BCL9: variants seen among roughly 807,000 people sequenced by gnomAD.
The protein encoded by BCL9 is B-cell CLL/lymphoma 9 protein.
BCL9 carries 25 observed loss-of-function variants against 88.5 expected under a neutral mutation model. The observed-to-expected ratio is 0.28, with a 90% CI of 0.21 to 0.39. The LOEUF is 0.39. BCL9 is among the 10% of genes least tolerant of loss of function. The pLI is 1.00. For missense variants in BCL9, 1,817 were observed against 1,877.8 expected, an observed-to-expected ratio of 0.97 and a Z score of 0.60; for synonymous variants, 711 against 673.3, an observed-to-expected ratio of 1.06 and a Z score of -0.87.
chr1:147,624,520 C>T lies in BCL9; in HGVS notation c.3842C>T (p.Ala1281Val), dbSNP rs1658831085. Residue 1281 changes from alanine to valine, a missense_variant, in exon 10 of 10, where the codon GCC becomes GTC. By Grantham distance (64) the Ala-to-Val change is moderately conservative (BLOSUM62 0). Around this residue, in one of 2 missense-constraint regions of BCL9, gnomAD observed 589 missense variants for 686.2 expected, o/e 0.86. Transcript: ENST00000234739. This position sits in a 1 kb window ranked among gnomAD's most constrained non-coding sequence, Gnocchi z 4.4. The stretch of plus-strand genomic sequence containing the variant: ...ATGCAGGGGATGATGGGCGAACAAG[C>T]CCCCAGAATGGGACTAGCATTACCT... ...SHMQGMMGEQ[A>V]PRMGLALPGM... 3 of 1,614,058 alleles carry T rather than the reference C, an allele frequency of 1.9e-6. No homozygotes were observed. The highest frequency in any genetic ancestry group is 1.7e-5 in the Admixed American group (1 of 60,012).
At chr1:147,574,809 A>G (rs1378180174) in intron 1 of BCL9, among the ~76,000 whole-genome samples, 8 of 152,330 alleles carry the variant, frequency 5.3e-5, no homozygotes, top group Middle Eastern at 3.4e-3. Context: ...TCTGACTCAC[A>G]TAACATGTTA....
At chr1:147,608,273 C>T (rs890118774) in intron 3 of BCL9, among the ~76,000 whole-genome samples, 1 of 147,742 alleles carries the variant, frequency 6.8e-6, no homozygotes, top group African/African-American at 2.5e-5. Context: ...CTCGTCAACT[C>T]TGTGGAGAAA....
At chr1:147,621,207 G>A (rs782389284) in intron 8 of BCL9, 150 bp downstream of exon 8, 7 of 886,404 alleles carry the variant, frequency 7.9e-6, no homozygotes, top group Non-Finnish European at 1.2e-5. Context: ...TGCATAATCA[G>A]TGCTTCCATG....
chr1:147,561,428 T>G (rs1655369759), intron 1 of BCL9, among the ~76,000 whole-genome samples: 2 of 152,200 alleles, frequency 1.3e-5, no homozygotes, highest in South Asian at 4.1e-4. Context: ...ATTTCCAGGC[T>G]TATTTGTGTT....
intron 1 of BCL9, among the ~76,000 whole-genome samples, chr1:147,558,508 G>T (rs1655220483): frequency 6.6e-6 from 1 of 152,068 alleles, no homozygotes; most frequent in Non-Finnish European, 1.5e-5. Flanking sequence ...GATAATGCCT[G>T]CTGCCCCCAC....
chr1:147,553,724 T>G (rs1654989225), intron 1 of BCL9, among the ~76,000 whole-genome samples: 1 of 152,212 alleles, frequency 6.6e-6, no homozygotes, highest in African/African-American at 2.4e-5. Flanking sequence ...TAACTGATTT[T>G]GGGATGAAAG....
chr1:147,592,537 A>G (rs141066327), intron 1 of BCL9, among the ~76,000 whole-genome samples: 64 of 152,252 alleles, frequency 4.2e-4, no homozygotes, highest in Non-Finnish European at 7.5e-4. Context: ...TATGTTATCC[A>G]CCCCCAAGGG....
chr1:147,545,369 C>G (rs1553194160), intron 1 of BCL9, among the ~76,000 whole-genome samples: 1 of 152,118 alleles, frequency 6.6e-6, no homozygotes, highest in Non-Finnish European at 1.5e-5. Context: ...GGAGCTGCCT[C>G]TTGGGGAGGC....
intron 1 of BCL9, among the ~76,000 whole-genome samples, chr1:147,582,298 T>A (rs1553198724): frequency 6.6e-6 from 1 of 152,260 alleles, no homozygotes; most frequent in Non-Finnish European, 1.5e-5. Flanking sequence ...TATGTTTAGA[T>A]GTTTCTTTGT....
At chr1:147,552,895 A>G (rs1006196086) in intron 1 of BCL9, among the ~76,000 whole-genome samples, 6 of 152,196 alleles carry the variant, frequency 3.9e-5, no homozygotes, top group African/African-American at 1.4e-4. Context: ...TGTGCAGTAC[A>G]AAGGAGTACT....
At chr1:147,548,606 G>T (rs1374779085) in intron 1 of BCL9, among the ~76,000 whole-genome samples, 1 of 152,164 alleles carries the variant, frequency 6.6e-6, no homozygotes, top group Non-Finnish European at 1.5e-5. Flanking sequence ...GATTGGGATT[G>T]TTTGTAGTTT....
chr1:147,619,862 A>G lies in BCL9; in HGVS notation c.1707A>G (p.Ile569Met). Residue 569 changes from isoleucine (I) to methionine (M), a missense_variant, in exon 8 of 10, where the codon ATA becomes ATG. Transcript: ENST00000234739. This position sits in a 1 kb window ranked among gnomAD's most constrained non-coding sequence, Gnocchi z 4.1. ...GCCTCCCTGGATTTGCAGGCATGAT[A>G]AACTCTGAAATGGAAGGGCCGAATG... ...QMRLPGFAGM[I>M]NSEMEGPNVP... is the part of the protein sequence containing the mutation. The G allele has an allele frequency of 1.9e-6, 3 of 1,614,166 alleles. No homozygotes were observed. The highest frequency in any genetic ancestry group is 2.7e-5 in the African/African-American group (2 of 75,024).
Position 147,625,348 on chromosome 1 carries a change from T to C in BCL9, c.*389T>C. ...CTTTTCTGTTTTTGTTTTTTTGATT[T>C]GGGCTTTATTTTTTTCTGTGTACTG... On this transcript the variant is annotated 3_prime_UTR_variant, in exon 10 of 10. Transcript: ENST00000234739. The C allele has an allele frequency of 3.8e-6, 1 of 260,632 alleles. No homozygotes were observed. The highest frequency in any genetic ancestry group is 5.6e-5 in the East Asian group (1 of 17,796). The allele number at this position is 260,632 out of a possible 1,614,324, so 16.1% of individuals were successfully genotyped here. A position where few individuals can be genotyped will look rare whatever the true frequency, so the allele number is the denominator to read the frequency against.
intron 1 of BCL9, among the ~76,000 whole-genome samples, chr1:147,568,003 C>T (rs191096730): frequency 4.2e-4 from 64 of 152,324 alleles, no homozygotes; most frequent in Admixed American, 3.9e-3. Flanking sequence ...CACTAGCAAA[C>T]CTCATACAGC....
intron 1 of BCL9, among the ~76,000 whole-genome samples, chr1:147,574,732 C>T (rs1487287655): frequency 6.6e-6 from 1 of 152,164 alleles, no homozygotes; most frequent in African/African-American, 2.4e-5. Context: ...TGCCACAGCA[C>T]GCGATTTGTT....
intron 1 of BCL9, among the ~76,000 whole-genome samples, chr1:147,582,102 T>C (rs782295337): frequency 6.6e-6 from 1 of 152,354 alleles, no homozygotes; most frequent in South Asian, 2.1e-4. Flanking sequence ...ATAAATTGTA[T>C]GTATGTATAT....
intron 1 of BCL9, among the ~76,000 whole-genome samples, chr1:147,591,598 C>T (rs759225274): frequency 2.6e-5 from 4 of 152,278 alleles, no homozygotes; most frequent in African/African-American, 7.2e-5. Flanking sequence ...CAATAAACAG[C>T]GACTGCCATT....
At position 147,614,570 on chromosome 1, in the gene BCL9, A is replaced by T. The variant is rs781811436; in HGVS notation, c.514A>T (p.Thr172Ser). The T allele has an allele frequency of 4.3e-6, 7 of 1,613,470 alleles. No homozygotes were observed. In the Admixed American group the frequency reaches 1.2e-4, roughly 27 times the overall value. The change falls in exon 6 of 10, where the codon ACT (threonine) becomes TCT (serine). Residue 172 changes from threonine to serine, a missense_variant. Coordinates refer to ENST00000234739, the MANE Select transcript of BCL9 (RefSeq NM_004326.4). ...TATEPTPAQK[T>S]PAKVVYVFST... Reference sequence around the variant, plus strand: ...CACAGAGCCCACACCTGCTCAGAAGACTCCAGCCAAAGTGGTGTACGTGTT... The same window carrying T: ...CACAGAGCCCACACCTGCTCAGAAGTCTCCAGCCAAAGTGGTGTACGTGTT...
At chr1:147,582,337 C>T (rs897876009) in intron 1 of BCL9, among the ~76,000 whole-genome samples, 8 of 152,202 alleles carry the variant, frequency 5.3e-5, no homozygotes, top group Non-Finnish European at 8.8e-5. Context: ...TTCTCCATTT[C>T]CTTTTGCTTT....
Sources: allele counts gnomAD v4.1 joint callset (sites outside exome capture counted in the v4.1 genomes callset), GRCh38; gene constraint gnomAD v4.1.1; regional missense constraint gnomAD v4.1.1; non-coding constraint Gnocchi (gnomAD v3.1); transcripts MANE v1.5; gene names NCBI Gene and HGNC (gene_info 2026-07-23, HGNC 2026-07-21).